Variants in ADGB observed in about 807,000 individuals in gnomAD.
ADGB encodes the protein androglobin, also known as calpain-7-like protein.
In ADGB, 172 loss-of-function variants were observed where a neutral mutation model predicts 210.5. The ratio of observed to expected loss-of-function variants is 0.82; its 90% confidence interval spans 0.72 to 0.93. The LOEUF (loss-of-function observed/expected upper bound fraction) is 0.93. Ranked by LOEUF, ADGB falls within the 40% of genes least tolerant of loss-of-function variation. The probability of loss-of-function intolerance (pLI) is 0.00; values close to 1 mark genes in which losing one functional copy is unlikely to be tolerated. For missense variants in ADGB, 2,025 were observed against 1,964.8 expected (o/e 1.03, Z -0.58); for synonymous variants, 658 against 662.7 (o/e 0.99, Z 0.11).
chr6:146,667,315 A>G (rs550227918), intron 7 of ADGB, among the ~76,000 whole-genome samples: 12 of 152,170 alleles, frequency 7.9e-5, no homozygotes, highest in African/African-American at 2.6e-4. Flanking sequence ...GATAAAGGCT[A>G]GTTATGAAAG....
chr6:146,635,010 AT>A (rs1016304407), intron 1 of ADGB, among the ~76,000 whole-genome samples: 7 of 152,052 alleles, frequency 4.6e-5, no homozygotes, highest in Admixed American at 6.6e-5. Flanking sequence ...TTTCAAAAAA[AT>A]ATATGTAGAC....
intron 1 of ADGB, among the ~76,000 whole-genome samples, chr6:146,616,475 G>A (rs1447746545): frequency 1.3e-5 from 2 of 151,880 alleles, no homozygotes; most frequent in African/African-American, 4.8e-5. Flanking sequence ...TGCTTTGGAA[G>A]TCTTATTTTA....
chr6:146,673,685 A>G (rs991618581), intron 8 of ADGB, among the ~76,000 whole-genome samples: 59 of 152,202 alleles, frequency 3.9e-4, no homozygotes, highest in African/African-American at 1.4e-3. Context: ...GAACTTGACA[A>G]TGATGACTGG....
At position 146,745,971 on chromosome 6, in the gene ADGB, C is replaced by T. The variant is rs912823584; in HGVS notation, c.3227C>T (p.Ala1076Val). ...GCATTTACAGGCGACACATATGTAG[C>T]AGCCTCACGATGGAAACTGCGTCTC... is the stretch of plus-strand genomic sequence containing the variant. Reference protein sequence around the residue: ...AEAFTGDTYVAASRWKLRLIG... With the variant: ...AEAFTGDTYVVASRWKLRLIG... The change falls in exon 26 of 36, where the codon GCA (alanine) becomes GTA (valine). Residue 1076 changes from alanine to valine, a missense_variant. Transcript: ENST00000397944. 1 of 1,551,134 alleles carries T rather than the reference C, an allele frequency of 6.4e-7. No homozygotes were observed. Among genetic ancestry groups the T allele is most frequent in the Admixed American group, 2.0e-5 (1 of 50,940 alleles).
chr6:146,747,406 C>T (rs1777255648), intron 26 of ADGB, among the ~76,000 whole-genome samples: 3 of 152,068 alleles, frequency 2.0e-5, no homozygotes, highest in African/African-American at 4.8e-5. Flanking sequence ...TAACCTACTA[C>T]CTAAATTACT....
intron 1 of ADGB, among the ~76,000 whole-genome samples, chr6:146,615,362 A>C (rs1230324053): frequency 6.6e-6 from 1 of 152,184 alleles, no homozygotes; most frequent in Non-Finnish European, 1.5e-5. Flanking sequence ...TCACATTTCA[A>C]CATGAGATTT....
rs1448253175 is a variant in ADGB at position 146,788,385 on chromosome 6, G to A, written c.4316-4G>A. On this transcript the variant is annotated splice_polypyrimidine_tract_variant and splice_region_variant and intron_variant, in intron 32 of 35. Transcript: ENST00000397944. ...TTTTCAGTAATGCACATGTCATGTTGTAGTAGAAACAGCTGCACGTGGCGT... is the reference window on the plus strand; with the variant it reads ...TTTTCAGTAATGCACATGTCATGTTATAGTAGAAACAGCTGCACGTGGCGT... 2 of 1,550,898 alleles carry A rather than the reference G, an allele frequency of 1.3e-6. No homozygotes were observed. Among genetic ancestry groups the A allele is most frequent in the Admixed American group, 3.9e-5 (2 of 50,992 alleles).
intron 29 of ADGB, among the ~76,000 whole-genome samples, chr6:146,777,786 A>T (rs1719521136): frequency 1.3e-5 from 2 of 152,184 alleles, no homozygotes. Flanking sequence ...AACTTCTTAA[A>T]GCAGTGTTTC....
chr6:146,722,165 A>G (rs902514492), intron 17 of ADGB, among the ~76,000 whole-genome samples: 3 of 152,036 alleles, frequency 2.0e-5, no homozygotes, highest in Admixed American at 2.0e-4. Flanking sequence ...CTTTTCCTCT[A>G]TCCCACCTTG....
At chr6:146,805,231 A>G (rs949616341) in intron 35 of ADGB, among the ~76,000 whole-genome samples, 3 of 152,150 alleles carry the variant, frequency 2.0e-5, no homozygotes, top group African/African-American at 7.2e-5. Context: ...ATTCATTTGC[A>G]CTCACATTTC....
At chr6:146,639,939 A>G (rs1002215220) in intron 2 of ADGB, among the ~76,000 whole-genome samples, 4 of 152,044 alleles carry the variant, frequency 2.6e-5, no homozygotes, top group African/African-American at 9.7e-5. Flanking sequence ...GGAAATTGAC[A>G]CATGAAAAAC....
At chr6:146,733,026 T>C (rs1777018273) in intron 20 of ADGB, 94 bp from the exon 21 acceptor site, 1 of 1,020,758 alleles carries the variant, frequency 9.8e-7, no homozygotes, top group South Asian at 2.5e-5. Flanking sequence ...AAATGGTTTT[T>C]ATTTTTTATT....
chr6:146,762,339 T>C (rs1237041019), intron 27 of ADGB, among the ~76,000 whole-genome samples: 1 of 152,216 alleles, frequency 6.6e-6, no homozygotes, highest in Admixed American at 6.6e-5. Flanking sequence ...TTATTTCAGA[T>C]ATAGTCAGAT....
intron 27 of ADGB, among the ~76,000 whole-genome samples, chr6:146,757,661 A>C (rs1777427288): frequency 6.6e-6 from 1 of 151,838 alleles, no homozygotes. Flanking sequence ...TTCTGTTCTG[A>C]TCCTTAGAAT....
At chr6:146,666,442 A>G (rs184172584) in intron 6 of ADGB, among the ~76,000 whole-genome samples, 1 of 152,160 alleles carries the variant, frequency 6.6e-6, no homozygotes, top group Non-Finnish European at 1.5e-5. Context: ...ATCTTAAAAT[A>G]ATTACTGAAA....
intron 9 of ADGB, among the ~76,000 whole-genome samples, chr6:146,680,849 C>A (rs552158854): frequency 6.6e-6 from 1 of 152,238 alleles, no homozygotes; most frequent in Non-Finnish European, 1.5e-5. Flanking sequence ...AAGGCTATTT[C>A]TTTACCACAA....
intron 5 of ADGB, 31 bp downstream of exon 5, chr6:146,657,011 A>T (rs564589113): frequency 6.7e-7 from 1 of 1,503,418 alleles, no homozygotes; most frequent in Non-Finnish European, 9.1e-7. Context: ...ATAAAAACTC[A>T]TGAGTCTTTC....
chr6:146,736,361 T>C, intron 22 of ADGB, 137 bp from the exon 23 acceptor site: 1 of 557,816 alleles, frequency 1.8e-6, no homozygotes, highest in Admixed American at 3.6e-5. Context: ...CTGAGTTTTC[T>C]GCTAATGAAG....
intron 29 of ADGB, 29 bp from the exon 30 acceptor site, chr6:146,781,991 C>A: frequency 1.4e-6 from 2 of 1,418,732 alleles, no homozygotes; most frequent in South Asian, 3.5e-5. Context: ...TATTATGACT[C>A]ACCATTTTTT....
Sources: gnomAD v4.1 joint callset for allele counts (sites outside exome capture counted in the v4.1 genomes callset) on GRCh38, gnomAD v4.1.1 for gene constraint, MANE v1.5 for transcripts, NCBI Gene and HGNC (gene_info 2026-07-23, HGNC 2026-07-21) for gene names.